STAU2: variants seen among roughly 807,000 people sequenced by gnomAD.
STAU2 encodes staufen double-stranded RNA binding protein 2.
In STAU2, 20 loss-of-function variants were observed where a neutral mutation model predicts 65.9. That is an observed-to-expected ratio of 0.30 (90% CI 0.21 to 0.44). STAU2 has a LOEUF of 0.44. Among genes scored for constraint, STAU2 ranks in the 20% least tolerant of loss-of-function variants. STAU2 has a pLI of 1.00. For missense variants in STAU2, 558 were observed against 683.9 expected (o/e 0.82, Z 2.05); for synonymous variants, 232 against 233.9 (o/e 0.99, Z 0.07).
At chr8:73,595,745 T>A (rs966032351) in intron 10 of STAU2, among the ~76,000 whole-genome samples, 3 of 152,136 alleles carry the variant, frequency 2.0e-5, no homozygotes, top group Non-Finnish European at 4.4e-5. Context: ...ATGTAAACAT[T>A]CAAGTTTACA....
intron 13 of STAU2, among the ~76,000 whole-genome samples, chr8:73,464,600 GCACACACACA>G (rs770126004): frequency 9.8e-6 from 1 of 101,886 alleles, no homozygotes; most frequent in African/African-American, 3.8e-5. Context: ...GTGTGCACGC[GCACACACACA>G]CACACACACA....
intron 6 of STAU2, among the ~76,000 whole-genome samples, chr8:73,649,462 TTCC>T (rs1815655874): frequency 6.6e-6 from 1 of 152,164 alleles, no homozygotes; most frequent in African/African-American, 2.4e-5. Flanking sequence ...AACTCACCTA[TTCC>T]TCATTATATT....
chr8:73,687,447 AATAT>A (rs1443169713), intron 5 of STAU2, among the ~76,000 whole-genome samples: 1 of 129,584 alleles, frequency 7.7e-6, no homozygotes, highest in Non-Finnish European at 1.5e-5. Context: ...ATAATATATA[AATAT>A]ATAATATATA....
chr8:73,647,478 A>T (rs767051419), intron 6 of STAU2, among the ~76,000 whole-genome samples: 1 of 152,218 alleles, frequency 6.6e-6, no homozygotes, highest in Non-Finnish European at 1.5e-5. Flanking sequence ...GAACACATTC[A>T]TGGTTGCCAA....
chr8:73,645,752 A>G (rs1815323521), intron 6 of STAU2, among the ~76,000 whole-genome samples: 1 of 152,202 alleles, frequency 6.6e-6, no homozygotes, highest in Admixed American at 6.5e-5. Flanking sequence ...GAAATGTACA[A>G]TCATGGTGGA....
chr8:73,527,869 C>A, intron 13 of STAU2: 1 of 367,898 alleles, frequency 2.7e-6, no homozygotes. Flanking sequence ...CAAATAGGTC[C>A]TTTTGCAAAG....
intron 12 of STAU2, among the ~76,000 whole-genome samples, chr8:73,554,530 T>C (rs748699319): frequency 1.3e-5 from 2 of 152,156 alleles, no homozygotes; most frequent in African/African-American, 2.4e-5. Context: ...GTTGTCCTGA[T>C]TGTATGGCCC....
intron 3 of STAU2, among the ~76,000 whole-genome samples, chr8:73,724,653 TTG>T (rs369351905): frequency 4.0e-5 from 4 of 100,086 alleles, no homozygotes; most frequent in Admixed American, 2.1e-4. Context: ...GTTCAGTAGG[TTG>T]TGTGTGTGTG....
At chr8:73,660,117 G>T (rs1816713354) in intron 6 of STAU2, among the ~76,000 whole-genome samples, 1 of 152,100 alleles carries the variant, frequency 6.6e-6, no homozygotes, top group Admixed American at 6.6e-5. Context: ...GTTTACTTAT[G>T]CTTTTGTTTT....
At chr8:73,679,591 G>A (rs1818255104) in intron 5 of STAU2, among the ~76,000 whole-genome samples, 1 of 152,028 alleles carries the variant, frequency 6.6e-6, no homozygotes, top group Admixed American at 6.6e-5. Flanking sequence ...TATAAAAGTA[G>A]AAGAAGCAGG....
intron 12 of STAU2, among the ~76,000 whole-genome samples, chr8:73,570,569 G>A (rs931845611): frequency 1.3e-5 from 2 of 152,286 alleles, no homozygotes; most frequent in East Asian, 1.9e-4. Context: ...AGCAAGGCAG[G>A]CCAACATTCA....
intron 6 of STAU2, among the ~76,000 whole-genome samples, chr8:73,660,416 G>C (rs530853364): frequency 2.6e-5 from 4 of 152,160 alleles, no homozygotes; most frequent in African/African-American, 9.7e-5. Flanking sequence ...GTGACAGAGC[G>C]AGACACCGGC....
intron 5 of STAU2, among the ~76,000 whole-genome samples, chr8:73,680,417 C>T (rs958098407): frequency 1.3e-5 from 2 of 152,180 alleles, no homozygotes; most frequent in South Asian, 2.1e-4. Context: ...CATAGGGAAA[C>T]GGGGAGAGAA....
intron 13 of STAU2, among the ~76,000 whole-genome samples, chr8:73,472,526 G>A (rs555460571): frequency 8.7e-4 from 133 of 152,208 alleles, no homozygotes; most frequent in Non-Finnish European, 1.5e-3. Context: ...ATTGATAAAC[G>A]AGGGAATAAT....
At chr8:73,693,475 A>AAC (rs1227931559) in intron 4 of STAU2, among the ~76,000 whole-genome samples, 3 of 118,678 alleles carry the variant, frequency 2.5e-5, no homozygotes, top group Non-Finnish European at 5.6e-5. Context: ...ACTCCGTCTC[A>AAC]AAAAAAAAAA....
chr8:73,436,568 T>TTTTATTTATTTATTTATTTA lies in STAU2; in HGVS notation c.1531-13886_1531-13867dup, dbSNP rs3032117. 3.7e-3 allele frequency among the ~76,000 whole-genome samples: 520 copies of TTTTATTTATTTATTTATTTA among 141,460 alleles called. 4 individuals carry two copies. The highest frequency in any genetic ancestry group is 6.9e-3 in the Middle Eastern group (2 of 288). The allele number at this position is 141,460 out of a possible 152,430, so 92.8% of individuals were successfully genotyped here. On this transcript the variant is annotated intron_variant, in intron 13 of 14. Coordinates refer to ENST00000524300, the MANE Select transcript of STAU2 (RefSeq NM_001164380.2). The stretch of plus-strand genomic sequence containing the variant: ...ATGAATTATCAGTATTTTGCCAATT[T>TTTTATTTATTTATTTATTTA]TTTATTTATTTATTTATTTATTTAT...
intron 12 of STAU2, among the ~76,000 whole-genome samples, chr8:73,558,620 A>C (rs918462378): frequency 6.6e-6 from 1 of 152,234 alleles, no homozygotes; most frequent in Non-Finnish European, 1.5e-5. Flanking sequence ...GCTGAAGAAG[A>C]TAAGTGTTTG....
intron 13 of STAU2, among the ~76,000 whole-genome samples, chr8:73,462,844 G>A (rs1256977991): frequency 6.6e-6 from 1 of 152,116 alleles, no homozygotes; most frequent in Non-Finnish European, 1.5e-5. Flanking sequence ...ATTAAAAAAA[G>A]ACAACTTCTT....
intron 1 of STAU2, among the ~76,000 whole-genome samples, chr8:73,745,274 A>G (rs1807191327): frequency 6.6e-6 from 1 of 152,268 alleles, no homozygotes; most frequent in African/African-American, 2.4e-5. Flanking sequence ...ATACAAACTG[A>G]ACAATGAAAA....
Sources: allele counts gnomAD v4.1 joint callset (sites outside exome capture counted in the v4.1 genomes callset), GRCh38; gene constraint gnomAD v4.1.1; transcripts MANE v1.5; gene names NCBI Gene and HGNC (gene_info 2026-07-23, HGNC 2026-07-21).